DAB1: variants seen among roughly 807,000 people sequenced by gnomAD.
DAB1 encodes DAB adaptor protein 1, also known as disabled homolog 1.
A neutral mutation model predicts 64.6 loss-of-function variants in DAB1; 15 were observed. The observed-to-expected ratio is 0.23, with a 90% CI of 0.16 to 0.36. DAB1 has a LOEUF of 0.36. DAB1 is among the 10% of genes least tolerant of loss of function. The pLI, the probability that DAB1 is intolerant of heterozygous loss-of-function variation, is 1.00. For missense variants in DAB1, 596 were observed against 706.7 expected, an observed-to-expected ratio of 0.84 and a Z score of 1.78; for synonymous variants, 235 against 251.9, an observed-to-expected ratio of 0.93 and a Z score of 0.64.
chr1:58,274,582 A>T (rs1661386504), intron 4 of DAB1, among the ~76,000 whole-genome samples: 1 of 147,592 alleles, frequency 6.8e-6, no homozygotes, highest in Admixed American at 6.7e-5. Context: ...CGCCTGGGCA[A>T]TGGCGGGCGC....
chr1:57,848,838 T>C (rs1653401223), intron 1 of DAB1, among the ~76,000 whole-genome samples: 1 of 152,144 alleles, frequency 6.6e-6, no homozygotes, highest in Non-Finnish European at 1.5e-5. Flanking sequence ...AGCAGCTACA[T>C]GATTCCTATT....
intron 4 of DAB1, among the ~76,000 whole-genome samples, chr1:58,287,131 A>C (rs1005483244): frequency 6.6e-6 from 1 of 152,190 alleles, no homozygotes; most frequent in Admixed American, 6.5e-5. Flanking sequence ...AAATACATAG[A>C]CACAGGGAGG....
intron 5 of DAB1, among the ~76,000 whole-genome samples, chr1:58,003,150 T>C (rs770444639): frequency 6.6e-6 from 1 of 152,188 alleles, no homozygotes; most frequent in African/African-American, 2.4e-5. Flanking sequence ...CTTCCCTCAA[T>C]GGGTAAATGT....
intron 1 of DAB1, chr1:57,880,856 C>T (rs1240005218): frequency 2.0e-5 from 3 of 152,144 alleles, no homozygotes; most frequent in Admixed American, 2.0e-4. Context: ...CATTAAAGTG[C>T]TCTTTTGAAA....
At chr1:57,264,167 A>G (rs961256060) in intron 2 of DAB1, among the ~76,000 whole-genome samples, 1 of 152,162 alleles carries the variant, frequency 6.6e-6, no homozygotes, top group Admixed American at 6.6e-5. Flanking sequence ...ATCTCATTGT[A>G]TATGTACCTC....
intron 6 of DAB1, among the ~76,000 whole-genome samples, chr1:57,749,610 A>G (rs1268855457): frequency 6.6e-6 from 1 of 152,142 alleles, no homozygotes; most frequent in East Asian, 1.9e-4. Context: ...CACTCCCTGT[A>G]GTGTTACATC....
At chr1:57,390,825 C>A (rs2101000151) in intron 1 of DAB1, among the ~76,000 whole-genome samples, 1 of 152,246 alleles carries the variant, frequency 6.6e-6, no homozygotes, top group South Asian at 2.1e-4. Context: ...AAATGTTAGC[C>A]ATGCATACTA....
intron 10 of DAB1, among the ~76,000 whole-genome samples, chr1:57,024,022 G>A (rs1408111497): frequency 6.6e-6 from 1 of 151,960 alleles, no homozygotes; most frequent in Non-Finnish European, 1.5e-5. Flanking sequence ...CTTTAGAGGT[G>A]GCCAACTCAA....
chr1:57,092,908 C>T (rs943213980), intron 4 of DAB1, among the ~76,000 whole-genome samples: 2 of 152,114 alleles, frequency 1.3e-5, no homozygotes, highest in African/African-American at 4.8e-5. Context: ...CTTTCCAGGC[C>T]TTCCTTTTCT....
intron 5 of DAB1, among the ~76,000 whole-genome samples, chr1:58,098,394 T>C (rs1026742996): frequency 1.3e-5 from 2 of 152,102 alleles, no homozygotes; most frequent in African/African-American, 4.8e-5. Flanking sequence ...GTGGCTTGCA[T>C]AGACAGGGCT....
intron 4 of DAB1, among the ~76,000 whole-genome samples, chr1:58,163,335 A>G (rs1655646106): frequency 6.6e-6 from 1 of 152,216 alleles, no homozygotes; most frequent in Non-Finnish European, 1.5e-5. Flanking sequence ...TGGGAATGAC[A>G]TTTGAGAGAA....
intron 3 of DAB1, among the ~76,000 whole-genome samples, chr1:58,429,295 A>C (rs1055435852): frequency 1.4e-4 from 22 of 152,200 alleles, no homozygotes; most frequent in Non-Finnish European, 8.8e-5. Flanking sequence ...CAGGACATAA[A>C]GGGCAACAAA....
intron 4 of DAB1, among the ~76,000 whole-genome samples, chr1:57,084,613 G>A (rs991801074): frequency 3.3e-5 from 5 of 152,266 alleles, no homozygotes; most frequent in East Asian, 3.9e-4. Context: ...TAAATTCTAC[G>A]TATTTCGTCT....
intron 1 of DAB1, among the ~76,000 whole-genome samples, chr1:57,308,886 C>A (rs1227349105): frequency 6.6e-6 from 1 of 152,134 alleles, no homozygotes; most frequent in Admixed American, 6.6e-5. Flanking sequence ...CTTTAGGCTT[C>A]TAGTCTAGGG....
At chr1:57,281,509 G>T (rs894556645) in intron 2 of DAB1, among the ~76,000 whole-genome samples, 1 of 152,176 alleles carries the variant, frequency 6.6e-6, no homozygotes, top group Non-Finnish European at 1.5e-5. Flanking sequence ...ACTCGGTGAC[G>T]TATGATTGGC....
intron 4 of DAB1, among the ~76,000 whole-genome samples, chr1:58,215,917 C>T (rs878989928): frequency 1.3e-5 from 2 of 152,186 alleles, no homozygotes; most frequent in Admixed American, 6.5e-5. Flanking sequence ...CCCATCACAC[C>T]TTACAGACCT....
intron 1 of DAB1, among the ~76,000 whole-genome samples, chr1:57,329,197 C>T (rs1402465258): frequency 7.2e-5 from 11 of 152,130 alleles, no homozygotes; most frequent in Admixed American, 7.2e-4. Flanking sequence ...GCTTAGCAGG[C>T]CAATTAATCC....
At chr1:57,067,712 C>T (rs547667981) in intron 8 of DAB1, among the ~76,000 whole-genome samples, 27 of 152,128 alleles carry the variant, frequency 1.8e-4, no homozygotes, top group African/African-American at 6.0e-4. Context: ...TTTACTTGCT[C>T]ATTTTACAGA....
chr1:57,237,933 G>A (rs917900490), intron 2 of DAB1, among the ~76,000 whole-genome samples: 3 of 152,136 alleles, frequency 2.0e-5, no homozygotes, highest in Non-Finnish European at 2.9e-5. Context: ...GGCAAAGAAC[G>A]AGAAAAGACA....
Sources: allele counts gnomAD v4.1 joint callset (sites outside exome capture counted in the v4.1 genomes callset), GRCh38; gene constraint gnomAD v4.1.1; transcripts MANE v1.5; gene names NCBI Gene and HGNC (gene_info 2026-07-23, HGNC 2026-07-21).